Variants in WDR35 observed in about 807,000 individuals in gnomAD.
WDR35 encodes the protein WD repeat-containing protein 35.
Under a neutral mutation model 158.3 loss-of-function variants are expected in WDR35, and 118 were observed. That is an observed-to-expected ratio of 0.75 (90% CI 0.64 to 0.87). WDR35 has a LOEUF of 0.87. Ranked by LOEUF, WDR35 falls within the 40% of genes least tolerant of loss-of-function variation. The probability of loss-of-function intolerance (pLI) is 0.00; values close to 1 mark genes in which losing one functional copy is unlikely to be tolerated. For synonymous variants in WDR35, 448 were observed against 476.1 expected, an observed-to-expected ratio of 0.94 and a Z score of 0.77; for missense variants, 1,263 against 1,405.8, an observed-to-expected ratio of 0.90 and a Z score of 1.62.
At chr2:19,955,725 G>A (rs944953256) in intron 11 of WDR35, among the ~76,000 whole-genome samples, 1 of 152,138 alleles carries the variant, frequency 6.6e-6, no homozygotes, top group Non-Finnish European at 1.5e-5. Flanking sequence ...GTTACTAGGA[G>A]GTACCATTTA....
chr2:19,982,516 C>A lies in WDR35; in HGVS notation c.161G>T (p.Gly54Val). The change falls in exon 3 of 27, where the codon GGC becomes GTC. Residue 54 changes from glycine to valine, a missense_variant. By Grantham distance (109) the Gly-to-Val change is moderately radical. Coordinates refer to ENST00000281405, the MANE Select transcript of WDR35 (RefSeq NM_020779.4). The stretch of plus-strand genomic sequence containing the variant: ...AGAAAGGTTACTGGGGGCTGCAAGG[C>A]CCCTCAATTTTGCATCATCTAAAAC... ...ETQTDDAKLR[G>V]LAAPSNLSMN... is the part of the protein sequence containing the mutation. 1 of 1,613,778 alleles carries A rather than the reference C, an allele frequency of 6.2e-7. No individual in the cohort carries two copies. The highest frequency in any genetic ancestry group is 1.1e-5 in the South Asian group (1 of 91,020).
At chr2:19,933,846 A>G (rs530247962) in intron 21 of WDR35, among the ~76,000 whole-genome samples, 97 of 152,310 alleles carry the variant, frequency 6.4e-4, no homozygotes, top group African/African-American at 2.1e-3. Context: ...AAAAGCCTTT[A>G]TATCAATTGG....
intron 16 of WDR35, among the ~76,000 whole-genome samples, chr2:19,943,050 G>A (rs1480422168): frequency 6.6e-6 from 1 of 151,926 alleles, no homozygotes; most frequent in Non-Finnish European, 1.5e-5. Flanking sequence ...GATATACTGA[G>A]GTTTGCATAT....
intron 22 of WDR35, among the ~76,000 whole-genome samples, chr2:19,932,897 T>C (rs959857001): frequency 6.6e-6 from 1 of 152,172 alleles, no homozygotes. Flanking sequence ...TAATAGTCAA[T>C]AGTTTCTATA....
Position 19,935,609 on chromosome 2 carries a change from G to A in WDR35, c.2415-6C>T. 1 of 1,609,772 alleles carries A rather than the reference G, an allele frequency of 6.2e-7. No homozygotes were observed. Among genetic ancestry groups the A allele is most frequent in the Non-Finnish European group, 8.5e-7 (1 of 1,179,006 alleles). On this transcript the variant is annotated splice_polypyrimidine_tract_variant and splice_region_variant and intron_variant, in intron 20 of 26. Transcript: ENST00000281405. Reference sequence around the variant, plus strand: ...AATATTGTACAGCATTCAACCTACAGAAAGAAAAAAGGAAAAACTTTTAAA... The same window carrying A: ...AATATTGTACAGCATTCAACCTACAAAAAGAAAAAAGGAAAAACTTTTAAA...
intron 7 of WDR35, among the ~76,000 whole-genome samples, chr2:19,974,003 G>A: frequency 6.6e-6 from 1 of 152,060 alleles, no homozygotes; most frequent in Non-Finnish European, 1.5e-5. Context: ...AGCTCCTCAG[G>A]AGGCTGAGAC....
intron 25 of WDR35, among the ~76,000 whole-genome samples, chr2:19,924,603 T>C (rs1670300579): frequency 6.6e-6 from 1 of 152,158 alleles, no homozygotes; most frequent in African/African-American, 2.4e-5. Flanking sequence ...GCTCAGGATA[T>C]AGTGCTGCAG....
chr2:19,916,588 C>A (rs1181662603), intron 25 of WDR35, among the ~76,000 whole-genome samples: 1 of 152,206 alleles, frequency 6.6e-6, no homozygotes, highest in South Asian at 2.1e-4. Context: ...CTTGAGTAGG[C>A]GGTTTCACCC....
Position 19,938,265 on chromosome 2 carries a change from C to T in WDR35, c.2063G>A (p.Trp688Ter). The change falls in exon 18 of 27, where the codon TGG becomes TAG. Residue 688 changes from tryptophan to a stop codon, truncating the protein, a stop_gained and splice_region_variant. Coordinates refer to ENST00000281405, the MANE Select transcript of WDR35 (RefSeq NM_020779.4). LOFTEE classifies it high-confidence loss of function. Reference protein sequence around the residue: ...FIEDNPHPRLWRLLAEAALQK... With the variant: ...FIEDNPHPRL ...GGGAGAGTTTGCTTTTTTTAAATAC[C>T]AAAGTCGGGGGTGTGGATTGTCCTC... 6.2e-7 allele frequency: 1 copy of T among 1,613,782 alleles called. No homozygotes were observed. The highest frequency in any genetic ancestry group is 1.3e-5 in the African/African-American group (1 of 74,918).
chr2:19,951,650 A>C (rs1031427764), intron 12 of WDR35, 166 bp from the exon 13 acceptor site: 52 of 549,952 alleles, frequency 9.5e-5, no homozygotes, highest in African/African-American at 9.3e-4. Context: ...TGAAGATAAA[A>C]ATTATCTACC....
chr2:19,963,365 T>C (rs944400270), intron 10 of WDR35, among the ~76,000 whole-genome samples: 10 of 134,410 alleles, frequency 7.4e-5, no homozygotes, highest in Non-Finnish European at 1.4e-4. Flanking sequence ...CTGTAGTCGA[T>C]AATTGTATTT....
intron 6 of WDR35, 91 bp from the exon 7 acceptor site, chr2:19,974,724 G>GA (rs1672151720): frequency 8.0e-7 from 1 of 1,255,600 alleles, no homozygotes; most frequent in South Asian, 1.5e-5. Flanking sequence ...AAAGAACACT[G>GA]AAAAATACAG....
intron 17 of WDR35, among the ~76,000 whole-genome samples, chr2:19,939,940 C>T (rs756195912): frequency 5.9e-5 from 9 of 151,444 alleles, no homozygotes; most frequent in African/African-American, 9.7e-5. Context: ...TTGATTCTAC[C>T]CACTTATGAC....
At chr2:19,967,576 AT>A (rs1288854594) in intron 9 of WDR35, among the ~76,000 whole-genome samples, 1 of 151,984 alleles carries the variant, frequency 6.6e-6, no homozygotes, top group African/African-American at 2.4e-5. Flanking sequence ...GAATAAAAAA[AT>A]AAAAATACAT....
chr2:19,984,521 G>A (rs547058167), intron 2 of WDR35, among the ~76,000 whole-genome samples: 6 of 152,194 alleles, frequency 3.9e-5, no homozygotes, highest in South Asian at 2.1e-4. Flanking sequence ...AGGCATAATC[G>A]AAGAAGTCAC....
At position 19,955,590 on chromosome 2, in the gene WDR35, G is replaced by A. The variant is rs192177210; in HGVS notation, c.1256-1612C>T. On this transcript the variant is annotated intron_variant, in intron 11 of 26. Coordinates refer to ENST00000281405, the MANE Select transcript of WDR35 (RefSeq NM_020779.4). ...GAAATACATAAAAGCAAAAAACTCC[G>A]TCACAAACAGATTATACTACCTGTT... is the stretch of plus-strand genomic sequence containing the variant. 3.0e-3 allele frequency among the ~76,000 whole-genome samples: 455 copies of A among 152,016 alleles called. 1 individual carries two copies. Among genetic ancestry groups the A allele is most frequent in the Admixed American group, 6.5e-3 (99 of 15,280 alleles).
intron 25 of WDR35, among the ~76,000 whole-genome samples, chr2:19,916,271 C>G (rs1195638200): frequency 6.6e-6 from 1 of 152,212 alleles, no homozygotes. Context: ...TCGCTGCCCA[C>G]GCCACCGGGG....
At position 19,949,811 on chromosome 2, in the gene WDR35, GATTT is replaced by G. The variant is rs575379371; in HGVS notation, c.1471-1598_1471-1595del. Among the ~76,000 whole-genome samples the G allele has an allele frequency of 1.3e-3, 205 of 152,288 alleles. 3 individuals are homozygous for G. Among genetic ancestry groups the G allele is most frequent in the Admixed American group, 0.012 (180 of 15,298 alleles). Reference sequence around the variant, plus strand: ...GGAAACAGAATCCAGAGGACTTGGTGATTTATTAGACGTGGAAAGCAAGAGAAAA... The same window carrying G: ...GGAAACAGAATCCAGAGGACTTGGTGATTAGACGTGGAAAGCAAGAGAAAA... On this transcript the variant is annotated intron_variant, in intron 13 of 26. Transcript: ENST00000281405.
intron 13 of WDR35, among the ~76,000 whole-genome samples, chr2:19,950,181 G>C (rs1380956203): frequency 2.0e-5 from 3 of 152,114 alleles, no homozygotes; most frequent in African/African-American, 7.2e-5. Flanking sequence ...GTGATGCATA[G>C]ATGAACCCTT....
Sources: gnomAD v4.1 joint callset for allele counts (sites outside exome capture counted in the v4.1 genomes callset) on GRCh38, gnomAD v4.1.1 for gene constraint, MANE v1.5 for transcripts, NCBI Gene and HGNC (gene_info 2026-07-23, HGNC 2026-07-21) for gene names.